Variants in PRKAR1B observed in about 807,000 individuals in gnomAD.
The protein encoded by PRKAR1B is cAMP-dependent protein kinase type I-beta regulatory subunit.
PRKAR1B carries 22 observed loss-of-function variants against 46.5 expected under a neutral mutation model. The observed-to-expected ratio is 0.47, with a 90% confidence interval of 0.34 to 0.68. The LOEUF is 0.68. Among genes scored for constraint, PRKAR1B ranks in the 30% least tolerant of loss-of-function variants. The probability of loss-of-function intolerance (pLI) is 0.01; values close to 1 mark genes in which losing one functional copy is unlikely to be tolerated. For synonymous variants in PRKAR1B, 259 were observed against 217.7 expected (o/e 1.19, Z -1.67); for missense variants, 445 against 535.6 (o/e 0.83, Z 1.67).
chr7:554,626 A>G (rs1778303629), intron 9 of PRKAR1B, among the ~76,000 whole-genome samples: 1 of 151,018 alleles, frequency 6.6e-6, no homozygotes, highest in Non-Finnish European at 1.5e-5. Flanking sequence ...ACAGAGCCGG[A>G]AGACAGGGGA....
intron 4 of PRKAR1B, among the ~76,000 whole-genome samples, chr7:671,502 A>G (rs1038070846): frequency 6.6e-6 from 1 of 152,152 alleles, no homozygotes; most frequent in Non-Finnish European, 1.5e-5. Context: ...TCTGTTGCCC[A>G]GGCTAGAGTG....
chr7:717,012 C>T (rs768792767), intron 1 of PRKAR1B, among the ~76,000 whole-genome samples: 34 of 152,122 alleles, frequency 2.2e-4, no homozygotes, highest in Non-Finnish European at 4.1e-4. Context: ...ATTCTCCAGC[C>T]GGGCGCAGTG....
chr7:625,249 G>A (rs977044766), intron 4 of PRKAR1B, among the ~76,000 whole-genome samples: 1 of 152,162 alleles, frequency 6.6e-6, no homozygotes, highest in Non-Finnish European at 1.5e-5. Flanking sequence ...TAATATGCAG[G>A]AGGTAGCAAA....
chr7:656,184 GAATGAATGAATGGAAA>G (rs1211939324), intron 4 of PRKAR1B, among the ~76,000 whole-genome samples: 2 of 152,174 alleles, frequency 1.3e-5, no homozygotes, highest in Admixed American at 6.6e-5. Flanking sequence ...GTGGAGGGGT[GAATGAATGAATGGAAA>G]AATGAATGAA....
rs925924120 is a variant in PRKAR1B, at chr7:560,843, G to A, written c.892-9373C>T. 6.6e-6 allele frequency among the ~76,000 whole-genome samples: 1 copy of A among 152,212 alleles called. No individual in the cohort carries two copies. The highest frequency in any genetic ancestry group is 1.5e-5 in the Non-Finnish European group (1 of 68,040). On this transcript the variant is annotated intron_variant, in intron 9 of 10. Transcript: ENST00000537384. The surrounding 1 kb of genome is among the most constrained non-coding windows in gnomAD (Gnocchi z 4.2). Reference sequence around the variant, plus strand: ...CCATGAGTGAACGTAAGAGTGGACAGACACCAAATGCCTTCTCAGGGCCAC... The same window carrying A: ...CCATGAGTGAACGTAAGAGTGGACAAACACCAAATGCCTTCTCAGGGCCAC...
chr7:556,358 C>T (rs1778433114), intron 9 of PRKAR1B, among the ~76,000 whole-genome samples: 1 of 147,596 alleles, frequency 6.8e-6, no homozygotes, highest in South Asian at 2.2e-4. Flanking sequence ...CCAAACACAG[C>T]TTCACTGAGT....
At chr7:576,575 G>A (rs773499191) in intron 9 of PRKAR1B, among the ~76,000 whole-genome samples, 2 of 152,012 alleles carry the variant, frequency 1.3e-5, no homozygotes, top group Non-Finnish European at 2.9e-5. Context: ...AAGTGACTCA[G>A]GTCCGGGAAC....
intron 4 of PRKAR1B, among the ~76,000 whole-genome samples, chr7:622,850 C>T (rs1197607876): frequency 6.6e-6 from 1 of 152,214 alleles, no homozygotes; most frequent in East Asian, 1.9e-4. Context: ...CAACATGACG[C>T]TATCCAGGGG....
intron 4 of PRKAR1B, among the ~76,000 whole-genome samples, chr7:615,618 A>C (rs1490821033): frequency 6.6e-6 from 1 of 151,632 alleles, no homozygotes; most frequent in Non-Finnish European, 1.5e-5. Context: ...TGGGCGGATC[A>C]CGAGGTCAGG....
At chr7:559,378 CT>C (rs1778646076) in intron 9 of PRKAR1B, among the ~76,000 whole-genome samples, 1 of 152,190 alleles carries the variant, frequency 6.6e-6, no homozygotes, top group Non-Finnish European at 1.5e-5. Context: ...GGAGAAGAGG[CT>C]GGAGCAGGGG....
intron 9 of PRKAR1B, among the ~76,000 whole-genome samples, chr7:553,577 C>T (rs753410591): frequency 2.6e-5 from 4 of 152,358 alleles, no homozygotes; most frequent in Admixed American, 1.3e-4. Flanking sequence ...CAGCCCCAGC[C>T]GGCCTGGCAG....
chr7:585,114 C>T (rs538892422), intron 7 of PRKAR1B, among the ~76,000 whole-genome samples: 76 of 152,340 alleles, frequency 5.0e-4, no homozygotes, highest in Middle Eastern at 3.4e-3. Flanking sequence ...CCAACAAACA[C>T]GGCCCTGTCA....
intron 4 of PRKAR1B, among the ~76,000 whole-genome samples, chr7:649,095 T>G (rs10262059): frequency 6.6e-6 from 1 of 150,882 alleles, no homozygotes; most frequent in Non-Finnish European, 1.5e-5. Context: ...ATCTGGGAGG[T>G]GGAGGTTGCA....
Position 636,350 on chromosome 7 carries a change from ACGTCCTC to A in PRKAR1B, c.441-28905_441-28899del, listed in dbSNP as rs1466286166. On this transcript the variant is annotated intron_variant, in intron 4 of 10. Transcript: ENST00000537384. ...CACGTCCTCCACCGGCCGCGCCCAC[ACGTCCTC>A]CACCGGCCGCGCCCACACGTCCTCC... Among the ~76,000 whole-genome samples, 10 of 18,786 alleles carry A rather than the reference ACGTCCTC, an allele frequency of 5.3e-4. 1 individual carries two copies. Among genetic ancestry groups the A allele is most frequent in the African/African-American group, 2.3e-3 (9 of 3,912 alleles). The allele number at this position is 18,786 out of a possible 152,430, so 12.3% of individuals were successfully genotyped here. A position where few individuals can be genotyped will look rare whatever the true frequency, so the allele number is the denominator to read the frequency against.
At chr7:596,356 C>T (rs768878323) in intron 6 of PRKAR1B, 52 bp from the exon 7 acceptor site, 2 of 1,565,068 alleles carry the variant, frequency 1.3e-6, no homozygotes, top group Non-Finnish European at 1.7e-6. Context: ...GGGTGACCTC[C>T]TCTGCATCCC....
rs1491439332 is a variant in PRKAR1B, at chr7:706,423, T to TTTTTTTTTTTTTC, written c.177+4905_177+4906insGAAAAAAAAAAAA. Among the ~76,000 whole-genome samples the TTTTTTTTTTTTTC allele has an allele frequency of 8.3e-4, 43 of 51,704 alleles. 2 individuals carry two copies. The highest frequency in any genetic ancestry group is 2.5e-3 in the South Asian group (3 of 1,210). The allele number at this position is 51,704 out of a possible 152,430, so 33.9% of individuals were successfully genotyped here. A position where few individuals can be genotyped will look rare whatever the true frequency, so the allele number is the denominator to read the frequency against. ...CTGTGTTTTGCCATCAAATAAGGAA[T>TTTTTTTTTTTTTC]TTTTTTTTTTTTTTTTTTGAGACGG... is the stretch of plus-strand genomic sequence containing the variant. On this transcript the variant is annotated intron_variant, in intron 2 of 10. Coordinates refer to ENST00000537384, the MANE Select transcript of PRKAR1B (RefSeq NM_001164760.2).
At chr7:624,244 C>A (rs1183630280) in intron 4 of PRKAR1B, among the ~76,000 whole-genome samples, 1 of 152,056 alleles carries the variant, frequency 6.6e-6, no homozygotes, top group East Asian at 1.9e-4. Flanking sequence ...ACCAGCCTGG[C>A]CAACATGGGG....
intron 4 of PRKAR1B, among the ~76,000 whole-genome samples, chr7:631,881 CAGG>C (rs1783766631): frequency 6.6e-6 from 1 of 151,944 alleles, no homozygotes; most frequent in Non-Finnish European, 1.5e-5. Flanking sequence ...TGCTTGAGCC[CAGG>C]AGATTGAGGC....
chr7:671,992 T>C (rs192540335), intron 4 of PRKAR1B, among the ~76,000 whole-genome samples: 245 of 152,280 alleles, frequency 1.6e-3, no homozygotes, highest in Non-Finnish European at 2.6e-3. Context: ...TCTAAAAATG[T>C]ATGTGCTTCA....
Sources: allele counts gnomAD v4.1 joint callset (sites outside exome capture counted in the v4.1 genomes callset), GRCh38; gene constraint gnomAD v4.1.1; non-coding constraint Gnocchi (gnomAD v3.1); transcripts MANE v1.5; gene names NCBI Gene and HGNC (gene_info 2026-07-23, HGNC 2026-07-21).